The following ABLIM1 variants were observed in gnomAD, a reference collection of about 807,000 sequenced individuals.
The protein encoded by ABLIM1 is actin binding LIM protein 1.
A neutral mutation model predicts 107.0 loss-of-function variants in ABLIM1; 40 were observed. The observed-to-expected ratio is 0.37, with a 90% CI of 0.29 to 0.49. The LOEUF (loss-of-function observed/expected upper bound fraction) is 0.49, where lower values mean the gene tolerates loss of function less well. Ranked by LOEUF, ABLIM1 falls within the 20% of genes least tolerant of loss-of-function variation. The pLI is 0.97. For synonymous variants in ABLIM1, 357 were observed against 357.3 expected (o/e 1.00, Z 0.01); for missense variants, 857 against 1,008.5 (o/e 0.85, Z 2.04).
chr10:114,454,292 T>C (rs2062407290), intron 12 of ABLIM1, among the ~76,000 whole-genome samples: 1 of 152,162 alleles, frequency 6.6e-6, no homozygotes, highest in African/African-American at 2.4e-5. Flanking sequence ...TTAAATGCCA[T>C]ATAATGACAT....
At chr10:114,451,722 T>C (rs1178042593) in intron 13 of ABLIM1, 51 bp from the exon 14 acceptor site, 19 of 1,482,182 alleles carry the variant, frequency 1.3e-5, no homozygotes, top group African/African-American at 4.2e-5. Context: ...AGTTCAGCGA[T>C]GGGAAAAACA....
intron 6 of ABLIM1, among the ~76,000 whole-genome samples, chr10:114,515,784 AAGG>A (rs2062719122): frequency 6.6e-6 from 1 of 152,174 alleles, no homozygotes; most frequent in South Asian, 2.1e-4. Context: ...GGAGACAGAC[AAGG>A]AGAACTCTAA....
At chr10:114,482,580 T>A (rs1008651402) in intron 8 of ABLIM1, among the ~76,000 whole-genome samples, 24 of 152,218 alleles carry the variant, frequency 1.6e-4, no homozygotes, top group Admixed American at 2.0e-4. Context: ...GAGCCATTCT[T>A]CAATCGCCAA....
intron 8 of ABLIM1, chr10:114,485,368 G>T: frequency 6.2e-7 from 1 of 1,612,154 alleles, no homozygotes. Context: ...GAAGAACGCC[G>T]AATGTTTGGC....
intron 1 of ABLIM1, among the ~76,000 whole-genome samples, chr10:114,702,637 T>C (rs896117867): frequency 2.0e-5 from 3 of 151,312 alleles, no homozygotes; most frequent in Admixed American, 1.3e-4. Context: ...CGCCATTCTC[T>C]TGCCTCAGCC....
intron 1 of ABLIM1, among the ~76,000 whole-genome samples, chr10:114,762,094 C>T (rs1490721577): frequency 5.3e-5 from 8 of 151,956 alleles, no homozygotes; most frequent in Non-Finnish European, 5.9e-5. Context: ...AGGGCAGTGG[C>T]GCATCTCTGC....
intron 1 of ABLIM1, among the ~76,000 whole-genome samples, chr10:114,675,998 T>C (rs2080464704): frequency 6.6e-6 from 1 of 152,180 alleles, no homozygotes; most frequent in South Asian, 2.1e-4. Context: ...CATGACCTCA[T>C]CTTAACTTGA....
chr10:114,532,431 A>C (rs1346572078), intron 6 of ABLIM1, among the ~76,000 whole-genome samples: 1 of 152,216 alleles, frequency 6.6e-6, no homozygotes, highest in East Asian at 1.9e-4. Context: ...TATCCTCCCC[A>C]AGGCGGGAAG....
Position 114,432,046 on chromosome 10 carries a change from C to T in ABLIM1, c.*4214G>A, listed in dbSNP as rs988526372. The T allele has an allele frequency of 3.9e-5, 6 of 152,152 alleles. No individual in the cohort carries two copies. Among genetic ancestry groups the T allele is most frequent in the African/African-American group, 1.4e-4 (6 of 41,424 alleles). The allele number at this position is 152,152 out of a possible 1,614,324, so 9.4% of individuals were successfully genotyped here. A position where few individuals can be genotyped will look rare whatever the true frequency, so the allele number is the denominator to read the frequency against. On this transcript the variant is annotated 3_prime_UTR_variant, in exon 23 of 23. Transcript: ENST00000533213. ...TATCACAACATAGTTGGGTAGTTCC[C>T]TTAAAGTACATCATTGCTATAAGTT...
At chr10:114,682,400 C>T (rs1218834836) in intron 1 of ABLIM1, among the ~76,000 whole-genome samples, 2 of 152,060 alleles carry the variant, frequency 1.3e-5, no homozygotes, top group Admixed American at 6.5e-5. Flanking sequence ...TTAAAACATC[C>T]GGGAACCAGC....
the ABLIM1 span, among the ~76,000 whole-genome samples, chr10:114,788,035 AC>A: frequency 6.7e-6 from 1 of 148,352 alleles, no homozygotes; most frequent in East Asian, 2.0e-4. Flanking sequence ...CTTACCCCCA[AC>A]CCTGTGCTCT....
At chr10:114,576,452 A>G (rs1048149973) in intron 2 of ABLIM1, among the ~76,000 whole-genome samples, 1 of 152,236 alleles carries the variant, frequency 6.6e-6, no homozygotes, top group African/African-American at 2.4e-5. Context: ...CCCCAAGGTC[A>G]ACTGATTCCA....
chr10:114,651,926 TC>T (rs201728329), intron 1 of ABLIM1, among the ~76,000 whole-genome samples: 1 of 152,020 alleles, frequency 6.6e-6, no homozygotes, highest in Non-Finnish European at 1.5e-5. Flanking sequence ...ACAGTGTGTC[TC>T]CTTGCCAGCA....
intron 1 of ABLIM1, among the ~76,000 whole-genome samples, chr10:114,606,476 C>T (rs551958193): frequency 6.6e-5 from 10 of 152,172 alleles, no homozygotes; most frequent in South Asian, 6.2e-4. Context: ...CCTTGTGATC[C>T]GCCCGCCGTG....
intron 4 of ABLIM1, among the ~76,000 whole-genome samples, chr10:114,563,546 G>T (rs2070124144): frequency 6.6e-6 from 1 of 151,944 alleles, no homozygotes. Flanking sequence ...ATATAATAAA[G>T]AATTTAGACC....
upstream of ABLIM1, among the ~76,000 whole-genome samples, chr10:114,660,884 C>G (rs190554985): frequency 2.4e-4 from 36 of 152,256 alleles, no homozygotes; most frequent in East Asian, 6.6e-3. Flanking sequence ...TCTTCCTGAC[C>G]TGGAAAAAAG....
the ABLIM1 span, chr10:114,778,488 C>T: frequency 2.0e-5 from 3 of 151,916 alleles, no homozygotes; most frequent in Non-Finnish European, 2.9e-5. Context: ...GGTCACCAAT[C>T]GTTGTCACTG....
At chr10:114,692,255 TTGA>T (rs1352126454) in intron 1 of ABLIM1, among the ~76,000 whole-genome samples, 2 of 152,268 alleles carry the variant, frequency 1.3e-5, no homozygotes, top group Non-Finnish European at 2.9e-5. Flanking sequence ...AAGCATTTTA[TTGA>T]TGGTCTCAAG....
upstream of ABLIM1, among the ~76,000 whole-genome samples, chr10:114,769,363 A>G (rs1229004708): frequency 1.0e-4 from 15 of 147,164 alleles, no homozygotes; most frequent in Non-Finnish European, 2.1e-4. Context: ...AAAGAAAAAG[A>G]AAGAAAGAGA....
Sources: allele counts gnomAD v4.1 joint callset (sites outside exome capture counted in the v4.1 genomes callset), GRCh38; gene constraint gnomAD v4.1.1; transcripts MANE v1.5; gene names NCBI Gene and HGNC (gene_info 2026-07-23, HGNC 2026-07-21).